Variants in KCNJ6 observed in about 807,000 individuals in gnomAD.
KCNJ6 encodes potassium inwardly rectifying channel subfamily J member 6, also known as G protein-activated inward rectifier potassium channel 2.
In KCNJ6, 9 loss-of-function variants were observed where a neutral mutation model predicts 34.2. That is an observed-to-expected ratio of 0.26 (90% CI 0.16 to 0.46). KCNJ6 has a LOEUF of 0.46. Among genes scored for constraint, KCNJ6 ranks in the 20% least tolerant of loss-of-function variants. KCNJ6 has a pLI of 1.00. For synonymous variants in KCNJ6, 196 were observed against 207.1 expected (o/e 0.95, Z 0.46); for missense variants, 236 against 531.3 (o/e 0.44, Z 5.46).
In KCNJ6 at chr21:37,884,758, G is replaced by T. The variant is rs145896704; in HGVS notation, c.-28+31126C>A. On this transcript the variant is annotated intron_variant, in intron 1 of 3. Coordinates refer to ENST00000609713, the MANE Select transcript of KCNJ6 (RefSeq NM_002240.5). ...CCTAGGACCACTGGGTCAGGAAGAG[G>T]GGCAGACACTGGGCTGAGAGCTGTG... Among the ~76,000 whole-genome samples the T allele has an allele frequency of 7.9e-3, 1,202 of 152,256 alleles. 17 individuals are homozygous for T. The highest frequency in any genetic ancestry group is 0.027 in the African/African-American group (1,134 of 41,540).
intron 3 of KCNJ6, among the ~76,000 whole-genome samples, chr21:37,669,733 A>G (rs2054533459): frequency 6.6e-6 from 1 of 152,236 alleles, no homozygotes; most frequent in East Asian, 1.9e-4. Flanking sequence ...ATGTCTTCAC[A>G]GAATTGTAGC....
At chr21:37,686,845 G>A (rs1017450069) in intron 3 of KCNJ6, among the ~76,000 whole-genome samples, 1 of 152,062 alleles carries the variant, frequency 6.6e-6, no homozygotes, top group Non-Finnish European at 1.5e-5. Context: ...AAATTCACAT[G>A]CAGCAGGTGT....
In KCNJ6 at chr21:37,618,126, G is replaced by A. The variant is rs1346669133; in HGVS notation, c.*7033C>T. On this transcript the variant is annotated 3_prime_UTR_variant, in exon 4 of 4. Transcript: ENST00000609713. Reference sequence around the variant, plus strand: ...ACAGTCAGCAATGCTGAGAGATGATGTCAGGGCGATGCCCGTGATGGCCGG... The same window carrying A: ...ACAGTCAGCAATGCTGAGAGATGATATCAGGGCGATGCCCGTGATGGCCGG... 1 of 152,286 alleles carries A rather than the reference G, an allele frequency of 6.6e-6. No homozygotes were observed. Among genetic ancestry groups the A allele is most frequent in the East Asian group, 1.9e-4 (1 of 5,190 alleles). The allele number at this position is 152,286 out of a possible 1,614,324, so 9.4% of individuals were successfully genotyped here.
intron 2 of KCNJ6, among the ~76,000 whole-genome samples, chr21:37,787,988 C>T (rs2055200040): frequency 6.6e-6 from 1 of 152,148 alleles, no homozygotes; most frequent in South Asian, 2.1e-4. Context: ...AGGTCATGGA[C>T]AGAAAGCTAA....
At chr21:37,697,102 C>T (rs577502921) in intron 3 of KCNJ6, among the ~76,000 whole-genome samples, 1 of 152,310 alleles carries the variant, frequency 6.6e-6, no homozygotes, top group South Asian at 2.1e-4. Flanking sequence ...TCTTCATGTG[C>T]TCAGCATGGT....
chr21:37,782,609 C>A (rs553698121), intron 2 of KCNJ6, among the ~76,000 whole-genome samples: 1 of 152,294 alleles, frequency 6.6e-6, no homozygotes, highest in Non-Finnish European at 1.5e-5. Flanking sequence ...GGTTCTCCAG[C>A]CACCCTATTC....
intron 2 of KCNJ6, among the ~76,000 whole-genome samples, chr21:37,791,165 TG>T (rs1288248244): frequency 3.9e-5 from 6 of 152,246 alleles, no homozygotes; most frequent in African/African-American, 1.4e-4. Context: ...TGGGAGGACC[TG>T]CGTCCTTGAA....
At chr21:37,650,187 T>C (rs1278532995) in intron 3 of KCNJ6, among the ~76,000 whole-genome samples, 2 of 152,212 alleles carry the variant, frequency 1.3e-5, no homozygotes, top group African/African-American at 4.8e-5. Context: ...AGCCCAGGTT[T>C]AGCGTCTGGC....
intron 1 of KCNJ6, among the ~76,000 whole-genome samples, chr21:37,861,470 G>A (rs1326986200): frequency 1.3e-5 from 2 of 152,142 alleles, no homozygotes; most frequent in African/African-American, 4.8e-5. Context: ...CTTCTTTAAA[G>A]GCTCTATCTC....
At chr21:37,802,454 C>A (rs1041847736) in intron 2 of KCNJ6, among the ~76,000 whole-genome samples, 1 of 139,668 alleles carries the variant, frequency 7.2e-6, no homozygotes, top group Non-Finnish European at 1.6e-5. Context: ...AAGGGTAGGG[C>A]GGGAGGGACA....
At position 37,683,710 on chromosome 21, in the gene KCNJ6, G is replaced by A. The variant is rs2054599978; in HGVS notation, c.946+30501C>T. Among the ~76,000 whole-genome samples the A allele has an allele frequency of 2.6e-5, 4 of 152,320 alleles. No individual in the cohort carries two copies. In the South Asian group the frequency reaches 8.3e-4, roughly 32 times the overall value. ...ACAGAAGCCAACCCCAAGGGAGTGAGATGCACAGAGTTCCGGTGTGGGGAG... is the reference window on the plus strand; with the variant it reads ...ACAGAAGCCAACCCCAAGGGAGTGAAATGCACAGAGTTCCGGTGTGGGGAG... On this transcript the variant is annotated intron_variant, in intron 3 of 3. Transcript: ENST00000609713.
At chr21:37,823,770 A>G (rs1010313175) in intron 2 of KCNJ6, among the ~76,000 whole-genome samples, 1 of 152,212 alleles carries the variant, frequency 6.6e-6, no homozygotes, top group African/African-American at 2.4e-5. Flanking sequence ...CAGTGTAAAA[A>G]TGGACTAATA....
intron 3 of KCNJ6, among the ~76,000 whole-genome samples, chr21:37,686,187 A>T (rs1000774941): frequency 3.3e-5 from 5 of 152,200 alleles, no homozygotes; most frequent in African/African-American, 1.2e-4. Context: ...AATGAGGAAC[A>T]GAAGATTAAT....
intron 1 of KCNJ6, among the ~76,000 whole-genome samples, chr21:37,893,925 C>G (rs2055775192): frequency 6.6e-6 from 1 of 152,210 alleles, no homozygotes; most frequent in African/African-American, 2.4e-5. Flanking sequence ...GAACCCTGCT[C>G]AATTCTGGCC....
chr21:37,898,661 G>T (rs2055801602), intron 1 of KCNJ6, among the ~76,000 whole-genome samples: 1 of 152,114 alleles, frequency 6.6e-6, no homozygotes, highest in Non-Finnish European at 1.5e-5. Context: ...CCCTAGAAAG[G>T]CTGTAGGTGG....
At chr21:37,892,854 G>GTT (rs778761855) in intron 1 of KCNJ6, among the ~76,000 whole-genome samples, 13,904 of 138,284 alleles carry the variant, frequency 0.1, 913 homozygotes, top group East Asian at 0.26. Flanking sequence ...TTCTTTCATA[G>GTT]TTTTTTTTTT....
chr21:37,830,281 G>A (rs548019858), intron 2 of KCNJ6, among the ~76,000 whole-genome samples: 12 of 152,244 alleles, frequency 7.9e-5, no homozygotes, highest in South Asian at 2.1e-4. Flanking sequence ...GTGGGAGGCC[G>A]TAGCCTGGAG....
At position 37,611,758 on chromosome 21, in the gene KCNJ6, C is replaced by T. The variant is rs1363642880; in HGVS notation, c.*13401G>A. On this transcript the variant is annotated 3_prime_UTR_variant, in exon 4 of 4. Transcript: ENST00000609713. Reference sequence around the variant, plus strand: ...AATTGCATGATCATATCAACAGATGCAGAAAAATCCAAACAGTCTTTCATG... The same window carrying T: ...AATTGCATGATCATATCAACAGATGTAGAAAAATCCAAACAGTCTTTCATG... 1 of 151,876 alleles carries T rather than the reference C, an allele frequency of 6.6e-6. No homozygotes were observed. The highest frequency in any genetic ancestry group is 1.5e-5 in the Non-Finnish European group (1 of 67,958). The allele number at this position is 151,876 out of a possible 1,614,324, so 9.4% of individuals were successfully genotyped here. A position where few individuals can be genotyped will look rare whatever the true frequency, so the allele number is the denominator to read the frequency against.
At chr21:37,795,759 C>CAAAAAAAAAAAAAAAAAAAAAA in intron 2 of KCNJ6, among the ~76,000 whole-genome samples, 1 of 148,750 alleles carries the variant, frequency 6.7e-6, no homozygotes, top group Non-Finnish European at 1.5e-5. Context: ...AAAAAAAAAC[C>CAAAAAAAAAAAAAAAAAAAAAA]CTGCCACATA....
Sources: gnomAD v4.1 joint callset for allele counts (sites outside exome capture counted in the v4.1 genomes callset) on GRCh38, gnomAD v4.1.1 for gene constraint, MANE v1.5 for transcripts, NCBI Gene and HGNC (gene_info 2026-07-23, HGNC 2026-07-21) for gene names.